Variants in NBEA observed in about 807,000 individuals in gnomAD.
NBEA encodes the protein neurobeachin, also known as lysosomal-trafficking regulator 2.
NBEA carries 44 observed loss-of-function variants against 343.4 expected under a neutral mutation model. The observed-to-expected ratio is 0.13, with a 90% CI of 0.10 to 0.16. NBEA has a LOEUF of 0.16. Ranked by LOEUF, NBEA falls within the 10% of genes least tolerant of loss-of-function variation. The probability of loss-of-function intolerance (pLI) is 1.00; values close to 1 mark genes in which losing one functional copy is unlikely to be tolerated. For missense variants in NBEA, 2,555 were observed against 3,631.3 expected, an observed-to-expected ratio of 0.70 and a Z score of 7.62; for synonymous variants, 1,175 against 1,238.7, an observed-to-expected ratio of 0.95 and a Z score of 1.08.
At chr13:35,274,925 A>G (rs2034466600) in intron 34 of NBEA, among the ~76,000 whole-genome samples, 1 of 152,246 alleles carries the variant, frequency 6.6e-6, no homozygotes, top group Non-Finnish European at 1.5e-5. Flanking sequence ...AAATGGCCAT[A>G]CTGCCTAAGG....
intron 1 of NBEA, among the ~76,000 whole-genome samples, chr13:35,026,535 A>G (rs1187624202): frequency 2.0e-5 from 3 of 152,086 alleles, no homozygotes; most frequent in Non-Finnish European, 2.9e-5. Context: ...TCATCTTTTC[A>G]TGAAGATGTA....
intron 55 of NBEA, among the ~76,000 whole-genome samples, chr13:35,659,916 A>G (rs2084996281): frequency 6.6e-6 from 1 of 152,218 alleles, no homozygotes; most frequent in Non-Finnish European, 1.5e-5. Context: ...TAATTTGCGC[A>G]CTTTAATTGG....
intron 38 of NBEA, among the ~76,000 whole-genome samples, chr13:35,384,685 C>A (rs1021365696): frequency 3.3e-5 from 5 of 151,862 alleles, no homozygotes; most frequent in Non-Finnish European, 7.4e-5. Flanking sequence ...GCCATCATGC[C>A]GGGCTAATTT....
intron 33 of NBEA, among the ~76,000 whole-genome samples, chr13:35,217,340 G>A (rs554558045): frequency 6.6e-6 from 1 of 151,746 alleles, no homozygotes; most frequent in Non-Finnish European, 1.5e-5. Context: ...TCCTTTTAAT[G>A]GGTTTTTTAG....
At chr13:35,396,881 C>T (rs770481881) in intron 38 of NBEA, among the ~76,000 whole-genome samples, 11 of 152,094 alleles carry the variant, frequency 7.2e-5, no homozygotes, top group Non-Finnish European at 1.6e-4. Flanking sequence ...CTTCCCTGTG[C>T]CCCTGTATTA....
intron 7 of NBEA, among the ~76,000 whole-genome samples, chr13:35,056,484 A>C (rs903080674): frequency 2.0e-5 from 3 of 152,150 alleles, no homozygotes; most frequent in Admixed American, 2.0e-4. Context: ...CACTATTATT[A>C]ATTACATAGT....
At position 35,024,618 on chromosome 13, in the gene NBEA, T is replaced by G. The variant is rs144643984; in HGVS notation, c.295-16315T>G. On this transcript the variant is annotated intron_variant, in intron 1 of 58. Transcript: ENST00000379939. ...TTATTTGAACCTGATAGGCGGAGTTTGCAGTGAGCTGAGATTGTACCACTG... is the reference window on the plus strand; with the variant it reads ...TTATTTGAACCTGATAGGCGGAGTTGGCAGTGAGCTGAGATTGTACCACTG... Among the ~76,000 whole-genome samples, 23 of 152,262 alleles carry G rather than the reference T, an allele frequency of 1.5e-4. No homozygotes were observed. The East Asian group carries it at 3.7e-3, about 24-fold the overall frequency.
At chr13:35,290,004 A>G (rs2035700714) in intron 34 of NBEA, among the ~76,000 whole-genome samples, 1 of 151,820 alleles carries the variant, frequency 6.6e-6, no homozygotes, top group Non-Finnish European at 1.5e-5. Context: ...CAAGGAAACA[A>G]CCATATAATA....
At chr13:35,075,603 C>T (rs1171579235) in intron 10 of NBEA, among the ~76,000 whole-genome samples, 1 of 152,022 alleles carries the variant, frequency 6.6e-6, no homozygotes, top group Non-Finnish European at 1.5e-5. Flanking sequence ...ATCATATGAA[C>T]AGTCCTCTTG....
chr13:35,662,077 A>G (rs897066892), intron 55 of NBEA, among the ~76,000 whole-genome samples: 3 of 152,214 alleles, frequency 2.0e-5, no homozygotes, highest in Admixed American at 6.5e-5. Flanking sequence ...ATCTCACTAA[A>G]AAACCTCTCC....
intron 36 of NBEA, among the ~76,000 whole-genome samples, chr13:35,334,599 A>G (rs2039135758): frequency 6.6e-6 from 1 of 152,162 alleles, no homozygotes; most frequent in Admixed American, 6.6e-5. Context: ...CATTTCTCTG[A>G]TGATCAGTGA....
At chr13:35,270,295 T>A (rs1313821500) in intron 34 of NBEA, among the ~76,000 whole-genome samples, 2 of 152,196 alleles carry the variant, frequency 1.3e-5, no homozygotes, top group Non-Finnish European at 2.9e-5. Context: ...AAATTTCCTT[T>A]TATGTAATAA....
chr13:35,513,764 C>G (rs2077377319), intron 41 of NBEA, among the ~76,000 whole-genome samples: 1 of 151,854 alleles, frequency 6.6e-6, no homozygotes, highest in Non-Finnish European at 1.5e-5. Context: ...AAGAAATGGA[C>G]AAAGTATTGG....
intron 38 of NBEA, among the ~76,000 whole-genome samples, chr13:35,352,771 T>C (rs1026083557): frequency 4.4e-4 from 67 of 152,242 alleles, no homozygotes; most frequent in Non-Finnish European, 7.2e-4. Flanking sequence ...AAGTTTTCTT[T>C]CATAATTTTC....
intron 1 of NBEA, among the ~76,000 whole-genome samples, chr13:34,951,168 AG>A: frequency 6.7e-6 from 1 of 150,070 alleles, no homozygotes; most frequent in Non-Finnish European, 1.5e-5. Flanking sequence ...ACCTGTGGAC[AG>A]GTATGAAAAT....
intron 18 of NBEA, among the ~76,000 whole-genome samples, chr13:35,145,082 T>C (rs2068334632): frequency 1.3e-5 from 2 of 152,214 alleles, no homozygotes; most frequent in Non-Finnish European, 2.9e-5. Flanking sequence ...ATTGTTAATA[T>C]AAGAACAACA....
chr13:35,275,746 A>AT (rs1239756063), intron 34 of NBEA, among the ~76,000 whole-genome samples: 1 of 152,246 alleles, frequency 6.6e-6, no homozygotes, highest in Non-Finnish European at 1.5e-5. Flanking sequence ...CAACGGACAC[A>AT]TGAAAAAATG....
chr13:35,611,045 G>A (rs1487432214), intron 48 of NBEA, among the ~76,000 whole-genome samples: 15 of 141,980 alleles, frequency 1.1e-4, no homozygotes, highest in African/African-American at 1.5e-4. Flanking sequence ...TTAAAAGGGG[G>A]AAAAAAAAAA....
At chr13:35,275,214 C>G (rs2034490351) in intron 34 of NBEA, among the ~76,000 whole-genome samples, 1 of 152,126 alleles carries the variant, frequency 6.6e-6, no homozygotes, top group Non-Finnish European at 1.5e-5. Context: ...ACATGTACAA[C>G]CATCTGATCT....
Sources: allele counts gnomAD v4.1 joint callset (sites outside exome capture counted in the v4.1 genomes callset), GRCh38; gene constraint gnomAD v4.1.1; transcripts MANE v1.5; gene names NCBI Gene and HGNC (gene_info 2026-07-23, HGNC 2026-07-21).